R3HDM1: variants seen among roughly 807,000 people sequenced by gnomAD.
The protein encoded by R3HDM1 is R3H domain containing 1, also known as R3H domain-containing protein 1.
R3HDM1 carries 46 observed loss-of-function variants against 141.1 expected under a neutral mutation model. That is an observed-to-expected ratio of 0.33 (90% confidence interval 0.26 to 0.42). The LOEUF (loss-of-function observed/expected upper bound fraction) is 0.42. Ranked by LOEUF, R3HDM1 falls within the 10% of genes least tolerant of loss-of-function variation. R3HDM1 has a pLI of 1.00. For missense variants in R3HDM1, 1,184 were observed against 1,368.3 expected, an observed-to-expected ratio of 0.87 and a Z score of 2.12; for synonymous variants, 435 against 472.9, an observed-to-expected ratio of 0.92 and a Z score of 1.04.
Position 135,650,013 on chromosome 2 carries a change from C to A in R3HDM1, c.1725+10C>A, listed in dbSNP as rs1394485630. ...CCAGCAATACTCTGTGGTACTATAT[C>A]TCTATTCACCTCCTGCGTTGTTTCT... On this transcript the variant is annotated intron_variant, in intron 17 of 26. Coordinates refer to ENST00000683871, the MANE Select transcript of R3HDM1 (RefSeq NM_001378107.1). 1 of 1,239,228 alleles carries A rather than the reference C, an allele frequency of 8.1e-7. No individual in the cohort carries two copies. The highest frequency in any genetic ancestry group is 1.0e-6 in the Non-Finnish European group (1 of 954,270). 76.8% of individuals were successfully genotyped at this position (1,239,228 alleles called of 1,614,324 possible).
At chr2:135,721,253 G>T (rs2076670186) in intron 24 of R3HDM1, among the ~76,000 whole-genome samples, 1 of 152,202 alleles carries the variant, frequency 6.6e-6, no homozygotes, top group African/African-American at 2.4e-5. Context: ...TGAGGTGGAA[G>T]GATTGCTGGA....
intron 17 of R3HDM1, chr2:135,650,587 C>G: frequency 1.0e-6 from 1 of 979,262 alleles, no homozygotes; most frequent in Non-Finnish European, 1.2e-6. Flanking sequence ...AATTATGGTA[C>G]TTCTGTTAAC....
chr2:135,668,819 A>G (rs1241482504), intron 19 of R3HDM1, among the ~76,000 whole-genome samples: 3 of 152,212 alleles, frequency 2.0e-5, no homozygotes, highest in African/African-American at 7.2e-5. Flanking sequence ...GCCAGTATCT[A>G]TGAAAACTCT....
rs560899713 is a variant in R3HDM1, at chr2:135,714,104, T to G, written c.2737-1446T>G. Among the ~76,000 whole-genome samples the G allele has an allele frequency of 2.6e-5, 4 of 151,804 alleles. No individual in the cohort carries two copies. The South Asian group carries it at 8.3e-4, about 32-fold the overall frequency. ...GGAAAAGCATAATTTTTTTTTAAAG[T>G]ATCTCCCTACAAGATACTTAAAACT... On this transcript the variant is annotated intron_variant, in intron 23 of 26. Coordinates refer to ENST00000683871, the MANE Select transcript of R3HDM1 (RefSeq NM_001378107.1).
At chr2:135,603,240 T>G (rs1361069593) in intron 2 of R3HDM1, among the ~76,000 whole-genome samples, 1 of 152,200 alleles carries the variant, frequency 6.6e-6, no homozygotes, top group Non-Finnish European at 1.5e-5. Flanking sequence ...TACACCTGCC[T>G]CAGCCTCCTA....
At chr2:135,706,880 A>G (rs567431263) in intron 21 of R3HDM1, among the ~76,000 whole-genome samples, 3 of 152,174 alleles carry the variant, frequency 2.0e-5, no homozygotes, top group South Asian at 2.1e-4. Flanking sequence ...CCCGTTCTCA[A>G]TGAGCTGTTG....
At chr2:135,606,701 A>C (rs1478569124) in intron 3 of R3HDM1, 2 of 146,826 alleles carry the variant, frequency 1.4e-5, no homozygotes, top group East Asian at 4.1e-4. Context: ...GGTTACAGTG[A>C]GCCAAGATCG....
intron 3 of R3HDM1, among the ~76,000 whole-genome samples, chr2:135,615,855 TC>T (rs1559249650): frequency 6.6e-6 from 1 of 152,202 alleles, no homozygotes; most frequent in Admixed American, 6.5e-5. Context: ...TACCAAGAAG[TC>T]ACCATATAAG....
intron 20 of R3HDM1, 133 bp downstream of exon 20, chr2:135,675,619 G>C: frequency 1.1e-6 from 1 of 911,694 alleles, no homozygotes; most frequent in Middle Eastern, 3.1e-4. Context: ...TTTTAATACA[G>C]GAAAAACACT....
At chr2:135,622,213 A>G in intron 6 of R3HDM1, 1 of 984,788 alleles carries the variant, frequency 1.0e-6, no homozygotes, top group Non-Finnish European at 1.2e-6. Flanking sequence ...TTTCACAACT[A>G]AAATTTCTAT....
At chr2:135,694,018 T>G (rs754884531) in intron 21 of R3HDM1, among the ~76,000 whole-genome samples, 1 of 151,694 alleles carries the variant, frequency 6.6e-6, no homozygotes, top group Non-Finnish European at 1.5e-5. Flanking sequence ...AAAAAGAAAA[T>G]AATTAATTTA....
intron 1 of R3HDM1, chr2:135,543,110 C>T: frequency 4.1e-6 from 4 of 982,918 alleles, no homozygotes; most frequent in Non-Finnish European, 4.8e-6. Flanking sequence ...GGGGAGGATA[C>T]AGTCTCTGTA....
chr2:135,584,136 T>A lies in R3HDM1; in HGVS notation c.-249-18364T>A, dbSNP rs1707362093. 2.6e-6 allele frequency: 2 copies of A among 781,048 alleles called. 1 individual carries two copies. The highest frequency in any genetic ancestry group is 1.2e-4 in the South Asian group (2 of 17,190). The allele number at this position is 781,048 out of a possible 1,614,324, so 48.4% of individuals were successfully genotyped here. ...TGAGGTCAGAAGTTCAAGACCAGCC[T>A]GGCCAACATGGTGAAACACCATCTC... On this transcript the variant is annotated intron_variant, in intron 1 of 26. Coordinates refer to ENST00000683871, the MANE Select transcript of R3HDM1 (RefSeq NM_001378107.1).
chr2:135,666,849 G>C (rs1369192715), intron 19 of R3HDM1, among the ~76,000 whole-genome samples: 4 of 151,376 alleles, frequency 2.6e-5, no homozygotes, highest in African/African-American at 7.3e-5. Flanking sequence ...TTATAAGCTT[G>C]AGGTTTTAAC....
intron 1 of R3HDM1, among the ~76,000 whole-genome samples, chr2:135,570,089 A>G (rs773015230): frequency 1.3e-5 from 2 of 152,194 alleles, no homozygotes; most frequent in Non-Finnish European, 2.9e-5. Flanking sequence ...AATTAGAAAA[A>G]TCGATTTCCT....
chr2:135,531,927 C>G (rs1694856105), intron 1 of R3HDM1, among the ~76,000 whole-genome samples: 1 of 152,222 alleles, frequency 6.6e-6, no homozygotes, highest in Non-Finnish European at 1.5e-5. Flanking sequence ...ACCGCCCCCA[C>G]CCGGGGGCCA....
chr2:135,567,666 C>T (rs1703108212), intron 1 of R3HDM1, among the ~76,000 whole-genome samples: 1 of 152,022 alleles, frequency 6.6e-6, no homozygotes, highest in Non-Finnish European at 1.5e-5. Flanking sequence ...GTAAACCATG[C>T]CCAAGTCATT....
intron 1 of R3HDM1, among the ~76,000 whole-genome samples, chr2:135,561,588 T>C (rs534284520): frequency 1.4e-4 from 21 of 152,138 alleles, no homozygotes; most frequent in Non-Finnish European, 1.0e-4. Flanking sequence ...TGTGGTTGCA[T>C]GTGCCTGTGG....
At chr2:135,649,646 T>C (rs1022756610) in intron 16 of R3HDM1, among the ~76,000 whole-genome samples, 2 of 152,190 alleles carry the variant, frequency 1.3e-5, no homozygotes, top group Admixed American at 1.3e-4. Flanking sequence ...TAATCTATAA[T>C]AAAGAAATAT....
Sources: allele counts gnomAD v4.1 joint callset (sites outside exome capture counted in the v4.1 genomes callset), GRCh38; gene constraint gnomAD v4.1.1; transcripts MANE v1.5; gene names NCBI Gene and HGNC (gene_info 2026-07-23, HGNC 2026-07-21).